The following HDAC9 variants were observed in gnomAD, a reference collection of about 807,000 sequenced individuals.
HDAC9 encodes histone deacetylase 9, also known as MEF-2 interacting transcription repressor (MITR) protein.
Under a neutral mutation model 139.4 loss-of-function variants are expected in HDAC9, and 41 were observed. The ratio of observed to expected loss-of-function variants is 0.29; its 90% confidence interval spans 0.23 to 0.38. The LOEUF (loss-of-function observed/expected upper bound fraction) is 0.38. Ranked by LOEUF, HDAC9 falls within the 10% of genes least tolerant of loss-of-function variation. HDAC9 has a pLI of 1.00. For synonymous variants in HDAC9, 517 were observed against 476.2 expected (o/e 1.09, Z -1.12); for missense variants, 1,147 against 1,297.0 (o/e 0.88, Z 1.78).
At chr7:18,859,032 G>C (rs1797895907) in intron 21 of HDAC9, among the ~76,000 whole-genome samples, 1 of 152,116 alleles carries the variant, frequency 6.6e-6, no homozygotes, top group Non-Finnish European at 1.5e-5. Context: ...GTGATCTTTG[G>C]ATTCAGACAG....
intron 1 of HDAC9, among the ~76,000 whole-genome samples, chr7:18,459,227 C>T (rs113614385): frequency 6.6e-6 from 1 of 152,264 alleles, no homozygotes; most frequent in East Asian, 1.9e-4. Flanking sequence ...TTAGCCACAA[C>T]TGCCTGATAT....
intron 1 of HDAC9, among the ~76,000 whole-genome samples, chr7:18,401,904 T>C (rs914233248): frequency 6.6e-6 from 1 of 152,232 alleles, no homozygotes; most frequent in South Asian, 2.1e-4. Flanking sequence ...AATATAACTT[T>C]TGTTGATATT....
At chr7:18,697,017 A>G (rs888178391) in intron 12 of HDAC9, among the ~76,000 whole-genome samples, 1 of 152,208 alleles carries the variant, frequency 6.6e-6, no homozygotes, top group Non-Finnish European at 1.5e-5. Context: ...AAATAAATAA[A>G]AGTAACCCAG....
At chr7:18,730,834 C>A (rs1258116129) in intron 13 of HDAC9, among the ~76,000 whole-genome samples, 1 of 152,122 alleles carries the variant, frequency 6.6e-6, no homozygotes, top group Non-Finnish European at 1.5e-5. Flanking sequence ...AGAACTTAAA[C>A]CTTTCATTCA....
intron 2 of HDAC9, among the ~76,000 whole-genome samples, chr7:18,247,560 T>C (rs1162442551): frequency 3.3e-5 from 5 of 151,876 alleles, no homozygotes; most frequent in Non-Finnish European, 5.9e-5. Flanking sequence ...GAACAGTGAG[T>C]AGGGACAAAT....
chr7:18,610,084 A>T (rs1836688265), intron 6 of HDAC9, among the ~76,000 whole-genome samples: 1 of 152,184 alleles, frequency 6.6e-6, no homozygotes, highest in South Asian at 2.1e-4. Flanking sequence ...TCATGCTGCT[A>T]TAAAGACACA....
chr7:18,886,923 A>G (rs1563023250), intron 22 of HDAC9, among the ~76,000 whole-genome samples: 1 of 152,224 alleles, frequency 6.6e-6, no homozygotes, highest in Non-Finnish European at 1.5e-5. Context: ...TAAGTAAAAT[A>G]ATTGGCTTAT....
At chr7:18,890,983 G>T (rs905244580) in intron 22 of HDAC9, among the ~76,000 whole-genome samples, 1 of 152,138 alleles carries the variant, frequency 6.6e-6, no homozygotes, top group Non-Finnish European at 1.5e-5. Flanking sequence ...GGATATTTTG[G>T]CGAGTCTGTC....
At chr7:18,232,872 C>T (rs1482584140) in intron 2 of HDAC9, among the ~76,000 whole-genome samples, 1 of 152,164 alleles carries the variant, frequency 6.6e-6, no homozygotes, top group Non-Finnish European at 1.5e-5. Context: ...TATTATCATT[C>T]TCTGCTCCCC....
intron 1 of HDAC9, among the ~76,000 whole-genome samples, chr7:18,468,346 G>A (rs1206745886): frequency 6.6e-6 from 1 of 151,944 alleles, no homozygotes; most frequent in Non-Finnish European, 1.5e-5. Flanking sequence ...GTGGACACAT[G>A]GATATTTATT....
intron 1 of HDAC9, among the ~76,000 whole-genome samples, chr7:18,307,057 G>A (rs975436844): frequency 1.3e-5 from 2 of 151,106 alleles, no homozygotes; most frequent in African/African-American, 2.4e-5. Flanking sequence ...AATTTATTGT[G>A]TGTTTATATC....
At chr7:18,977,160 T>C (rs530283271) in intron 25 of HDAC9, among the ~76,000 whole-genome samples, 2 of 152,332 alleles carry the variant, frequency 1.3e-5, no homozygotes, top group East Asian at 3.9e-4. Context: ...TTTATATGAA[T>C]ATCTAGAGCA....
At chr7:18,235,618 T>C (rs1164467082) in intron 2 of HDAC9, among the ~76,000 whole-genome samples, 1 of 152,238 alleles carries the variant, frequency 6.6e-6, no homozygotes, top group Admixed American at 6.5e-5. Flanking sequence ...TGGAAGTTAT[T>C]TGCATCATAA....
chr7:18,340,217 A>G (rs1176996533), intron 1 of HDAC9, among the ~76,000 whole-genome samples: 2 of 151,528 alleles, frequency 1.3e-5, no homozygotes, highest in African/African-American at 4.8e-5. Flanking sequence ...GTGTTAGCAT[A>G]GTATATCTTT....
chr7:18,674,656 C>G (rs557154998), intron 12 of HDAC9, among the ~76,000 whole-genome samples: 1 of 152,004 alleles, frequency 6.6e-6, no homozygotes, highest in African/African-American at 2.4e-5. Context: ...TTACATTGTT[C>G]TTATTCAGAT....
chr7:18,105,817 A>G (rs1365791290), intron 1 of HDAC9, among the ~76,000 whole-genome samples: 2 of 152,336 alleles, frequency 1.3e-5, no homozygotes, highest in South Asian at 2.1e-4. Flanking sequence ...AGAAAGTGGA[A>G]ACAACCCAAA....
intron 19 of HDAC9, 110 bp from the exon 20 acceptor site, chr7:18,835,355 CAG>C: frequency 8.5e-7 from 1 of 1,177,132 alleles, no homozygotes; most frequent in Admixed American, 2.8e-5. Flanking sequence ...AGTGAGAAGA[CAG>C]AAAATGAGAA....
At chr7:18,801,985 A>G (rs544295558) in intron 17 of HDAC9, among the ~76,000 whole-genome samples, 28 of 152,026 alleles carry the variant, frequency 1.8e-4, no homozygotes, top group African/African-American at 5.3e-4. Context: ...AAGTTTGACA[A>G]TTCTCTAATT....
chr7:18,703,413 G>C (rs1317165429), intron 12 of HDAC9, among the ~76,000 whole-genome samples: 1 of 152,038 alleles, frequency 6.6e-6, no homozygotes, highest in African/African-American at 2.4e-5. Context: ...TATATCAAAA[G>C]TAGCAATAAG....
Sources: allele counts gnomAD v4.1 joint callset (sites outside exome capture counted in the v4.1 genomes callset), GRCh38; gene constraint gnomAD v4.1.1; transcripts MANE v1.5; gene names NCBI Gene and HGNC (gene_info 2026-07-23, HGNC 2026-07-21).